Variants in GSE1 observed in about 807,000 individuals in gnomAD.
GSE1 encodes genetic suppressor element 1.
Under a neutral mutation model 112.6 loss-of-function variants are expected in GSE1, and 32 were observed. That is an observed-to-expected ratio of 0.28 (90% CI 0.21 to 0.38). The LOEUF is 0.38. Among genes scored for constraint, GSE1 ranks in the 10% least tolerant of loss-of-function variants. The pLI is 1.00. For missense variants in GSE1, 2,348 were observed against 1,699.2 expected (o/e 1.38, Z -6.71); for synonymous variants, 1,115 against 735.6 (o/e 1.52, Z -8.35).
At chr16:85,645,194 TG>T (rs2050752849) in intron 2 of GSE1, among the ~76,000 whole-genome samples, 1 of 151,934 alleles carries the variant, frequency 6.6e-6, no homozygotes, top group Admixed American at 6.6e-5. Flanking sequence ...CTAGTCCATC[TG>T]GGGGTCTGGG....
intron 1 of GSE1, among the ~76,000 whole-genome samples, chr16:85,348,544 A>G (rs926638354): frequency 3.9e-5 from 6 of 152,144 alleles, no homozygotes; most frequent in Non-Finnish European, 7.3e-5. Flanking sequence ...GCCACTGCCC[A>G]TCCATGAAAT....
At chr16:85,214,058 A>G (rs1299985333) in intron 1 of GSE1, among the ~76,000 whole-genome samples, 1 of 152,222 alleles carries the variant, frequency 6.6e-6, no homozygotes, top group African/African-American at 2.4e-5. Flanking sequence ...TGGGTACATA[A>G]TATCCCATAA....
intron 1 of GSE1, among the ~76,000 whole-genome samples, chr16:85,221,965 A>C (rs929080567): frequency 2.0e-5 from 3 of 152,016 alleles, no homozygotes; most frequent in African/African-American, 7.3e-5. Context: ...GTCACCGGTG[A>C]CCAGGTGGGC....
chr16:85,601,600 G>A (rs2047468076), intron 1 of GSE1, among the ~76,000 whole-genome samples: 1 of 152,278 alleles, frequency 6.6e-6, no homozygotes, highest in African/African-American at 2.4e-5. Context: ...AAGGGCCACA[G>A]GCGGCTGACT....
chr16:85,284,158 GC>G (rs1317047928), intron 1 of GSE1, among the ~76,000 whole-genome samples: 4 of 152,194 alleles, frequency 2.6e-5, no homozygotes, highest in African/African-American at 9.7e-5. Flanking sequence ...CCAGGAGAAG[GC>G]CCGGCGGGTC....
intron 1 of GSE1, among the ~76,000 whole-genome samples, chr16:85,625,969 G>C (rs2049041490): frequency 6.6e-6 from 1 of 152,092 alleles, no homozygotes; most frequent in African/African-American, 2.4e-5. Flanking sequence ...CCGCCCACCT[G>C]CTTGTGTTTT....
Position 85,673,015 on chromosome 16 carries a change from G to C in GSE1, c.*476G>C, listed in dbSNP as rs1425763756. On this transcript the variant is annotated 3_prime_UTR_variant, in exon 16 of 16. Coordinates refer to ENST00000253458, the MANE Select transcript of GSE1 (RefSeq NM_014615.5). The stretch of plus-strand genomic sequence containing the variant: ...GAGTGAAACTTGCTTCAGCTGAAAA[G>C]GTTGGGTGCATTGTCAGTAAAAAGG... 2.0e-5 allele frequency: 3 copies of C among 152,364 alleles called. No homozygotes were observed. The highest frequency in any genetic ancestry group is 6.5e-5 in the Admixed American group (1 of 15,290). 9.4% of individuals were successfully genotyped at this position (152,364 alleles called of 1,614,324 possible).
At chr16:85,328,914 G>A (rs2046282015) in intron 1 of GSE1, among the ~76,000 whole-genome samples, 1 of 152,340 alleles carries the variant, frequency 6.6e-6, no homozygotes, top group African/African-American at 2.4e-5. Context: ...CCGCAGCCTG[G>A]CAGAGGAAGA....
chr16:85,306,843 A>G (rs757128004), intron 1 of GSE1, among the ~76,000 whole-genome samples: 1 of 152,206 alleles, frequency 6.6e-6, no homozygotes, highest in Admixed American at 6.5e-5. Context: ...CGGAAAGGAG[A>G]GTGGCCTTTC....
chr16:85,230,815 A>G (rs1212655720), intron 1 of GSE1, among the ~76,000 whole-genome samples: 3 of 152,102 alleles, frequency 2.0e-5, no homozygotes, highest in Non-Finnish European at 4.4e-5. Flanking sequence ...CTTACTACAA[A>G]TGAGTGTGTG....
At chr16:85,179,937 A>G (rs2074547461) in intron 1 of GSE1, among the ~76,000 whole-genome samples, 1 of 152,206 alleles carries the variant, frequency 6.6e-6, no homozygotes, top group Non-Finnish European at 1.5e-5. Context: ...GGCAGATGGT[A>G]GATGATAGAC....
At chr16:85,420,616 GGGCCTGCAGCAGATGA>G (rs2048817836) in intron 2 of GSE1, among the ~76,000 whole-genome samples, 1 of 152,184 alleles carries the variant, frequency 6.6e-6, no homozygotes, top group Admixed American at 6.5e-5. Flanking sequence ...AAACACTGGA[GGGCCTGCAGCAGATGA>G]GGCCAGCCCA....
exon 1 of GSE1, chr16:85,169,779 G>A: frequency 3.0e-6 from 3 of 984,178 alleles, no homozygotes; most frequent in Non-Finnish European, 3.6e-6. Context: ...GCTGCGTGTT[G>A]GTGTGCGCCG....
upstream of GSE1, chr16:85,611,590 G>T: frequency 3.3e-6 from 2 of 608,344 alleles, no homozygotes; most frequent in South Asian, 1.4e-4. Flanking sequence ...TTCGTTTGTG[G>T]TCTGCCCGGA....
At position 85,479,188 on chromosome 16, in the gene GSE1, A is replaced by ATTTTTTTTTT. The variant is rs59825091; in HGVS notation, c.2464+121561_2464+121570dup. 7.3e-5 allele frequency among the ~76,000 whole-genome samples: 6 copies of ATTTTTTTTTT among 82,478 alleles called. 2 individuals are homozygous for ATTTTTTTTTT. Among genetic ancestry groups the ATTTTTTTTTT allele is most frequent in the African/African-American group, 3.1e-4 (6 of 19,180 alleles). The allele number at this position is 82,478 out of a possible 152,430, so 54.1% of individuals were successfully genotyped here. On this transcript the variant is annotated intron_variant, in intron 2 of 2. Transcript: ENST00000637419. ...AGGCGCCCGCCACCATGCCCGGCTA[A>ATTTTTTTTTT]TTTTTTTTTTTTTTTTTTTTTTTTT... is the stretch of plus-strand genomic sequence containing the variant.
intron 2 of GSE1, chr16:85,357,732 A>G: frequency 1.2e-6 from 1 of 847,806 alleles, no homozygotes; most frequent in Admixed American, 2.5e-5. Context: ...CCGAGTTCAG[A>G]TACAGTTCCG....
At chr16:85,556,451 C>A in intron 1 of GSE1, 1 of 517,494 alleles carries the variant, frequency 1.9e-6, no homozygotes, top group Non-Finnish European at 2.5e-6. Context: ...GCCAGACCCC[C>A]GAGCCAGGGT....
At chr16:85,663,683 G>A in intron 11 of GSE1, 69 bp downstream of exon 11, 7 of 1,468,098 alleles carry the variant, frequency 4.8e-6, no homozygotes, top group African/African-American at 1.4e-5. Context: ...AGCAGCAGGT[G>A]GGGCCGGTGG....
intron 2 of GSE1, among the ~76,000 whole-genome samples, chr16:85,476,503 T>C (rs2050460048): frequency 6.6e-6 from 1 of 152,254 alleles, no homozygotes. Context: ...TTGCTGCCCA[T>C]GCCTTCTGTT....
Sources: gnomAD v4.1 joint callset for allele counts (sites outside exome capture counted in the v4.1 genomes callset) on GRCh38, gnomAD v4.1.1 for gene constraint, MANE v1.5 for transcripts, NCBI Gene and HGNC (gene_info 2026-07-23, HGNC 2026-07-21) for gene names.